TENM1: variants seen among roughly 807,000 people sequenced by gnomAD.
TENM1 encodes the protein teneurin transmembrane protein 1, also known as teneurin-1.
Under a neutral mutation model 174.8 loss-of-function variants are expected in TENM1, and 35 were observed. That is an observed-to-expected ratio of 0.20 (90% CI 0.15 to 0.27). The LOEUF is 0.27. TENM1 is among the 10% of genes least tolerant of loss of function. TENM1 has a pLI of 1.00. For missense variants in TENM1, 1,633 were observed against 2,130.1 expected (o/e 0.77, Z 4.59); for synonymous variants, 781 against 798.7 (o/e 0.98, Z 0.37).
chrX:124,706,335 T>C (rs1277144492), intron 4 of TENM1, among the ~76,000 whole-genome samples: 1 of 112,577 alleles, frequency 8.9e-6, no homozygotes, highest in Non-Finnish European at 1.9e-5. Context: ...CATAATAAAA[T>C]GTGCAGTTTT....
intron 3 of TENM1, among the ~76,000 whole-genome samples, chrX:124,826,732 A>G (rs2056171102): frequency 8.9e-6 from 1 of 111,888 alleles, no homozygotes; most frequent in Non-Finnish European, 1.9e-5. Context: ...GTACTTTTGA[A>G]ATGCACTTGT....
At chrX:124,458,511 T>A (rs1319756939) in intron 22 of TENM1, among the ~76,000 whole-genome samples, 3 of 112,422 alleles carry the variant, frequency 2.7e-5, no homozygotes, top group Non-Finnish European at 5.6e-5. Context: ...GAATAGTGAG[T>A]TATTTAATCA....
intron 11 of TENM1, among the ~76,000 whole-genome samples, chrX:124,592,743 C>A (rs1464371905): frequency 2.8e-5 from 3 of 106,554 alleles, no homozygotes; most frequent in Non-Finnish European, 5.8e-5. Context: ...AGCCACCATG[C>A]CCAGGCCTTA....
At chrX:124,645,073 A>C in intron 10 of TENM1, 70 bp downstream of exon 13, 1 of 1,069,668 alleles carries the variant, frequency 9.3e-7, no homozygotes, top group Non-Finnish European at 1.3e-6. Flanking sequence ...CTACTAGGAG[A>C]ACAGAATGAC....
intron 14 of TENM1, among the ~76,000 whole-genome samples, chrX:124,557,389 GTT>G (rs199851633): frequency 9.4e-6 from 1 of 106,679 alleles, no homozygotes; most frequent in African/African-American, 3.4e-5. Context: ...CAAATTTATT[GTT>G]TTTTTTTCCT....
At chrX:124,560,797 T>C in intron 14 of TENM1, among the ~76,000 whole-genome samples, 1 of 112,123 alleles carries the variant, frequency 8.9e-6, no homozygotes, top group East Asian at 2.8e-4. Context: ...TACTTCATTT[T>C]AAGCTAATAT....
chrX:125,075,745 A>G, the TENM1 span, among the ~76,000 whole-genome samples: 3 of 111,384 alleles, frequency 2.7e-5, no homozygotes, highest in Admixed American at 2.9e-4. Context: ...CCATAAACCT[A>G]GTAAGTATCA....
At chrX:124,810,599 T>C (rs1321273651) in intron 3 of TENM1, among the ~76,000 whole-genome samples, 1 of 111,855 alleles carries the variant, frequency 8.9e-6, no homozygotes, top group Non-Finnish European at 1.9e-5. Flanking sequence ...AAAGACTTAA[T>C]ACTTTAAAAT....
At chrX:125,202,623 G>C in the TENM1 span, among the ~76,000 whole-genome samples, 3 of 110,903 alleles carry the variant, frequency 2.7e-5, no homozygotes, top group Admixed American at 9.6e-5. Flanking sequence ...AGCTGCCGAC[G>C]GCGAGTACGA....
the TENM1 span, among the ~76,000 whole-genome samples, chrX:125,111,657 GCA>G: frequency 4.5e-5 from 5 of 111,432 alleles, no homozygotes; most frequent in African/African-American, 1.6e-4. Context: ...ATAAACTGAT[GCA>G]CAGAGAGGAA....
intron 11 of TENM1, among the ~76,000 whole-genome samples, chrX:124,619,501 T>G (rs955981424): frequency 8.9e-5 from 10 of 112,203 alleles, no homozygotes; most frequent in African/African-American, 2.9e-4. Context: ...TTTAGATTGT[T>G]CCTAAACCTT....
the TENM1 span, among the ~76,000 whole-genome samples, chrX:125,193,778 C>T: frequency 2.6e-4 from 29 of 110,429 alleles, no homozygotes; most frequent in Non-Finnish European, 2.5e-4. Context: ...TAGACTTTAT[C>T]TTCAGATCTG....
intron 1 of TENM1, among the ~76,000 whole-genome samples, chrX:124,929,533 A>C (rs1404437916): frequency 8.9e-6 from 1 of 111,995 alleles, no homozygotes; most frequent in Non-Finnish European, 1.9e-5. Flanking sequence ...TCTGGCATAA[A>C]TTGCGATAGC....
chrX:125,099,047 A>T, the TENM1 span, among the ~76,000 whole-genome samples: 658 of 112,525 alleles, frequency 5.8e-3, 3 homozygotes, highest in African/African-American at 0.019. Context: ...AATCAATATT[A>T]AAGTAGGTCT....
intron 5 of TENM1, among the ~76,000 whole-genome samples, chrX:124,683,341 C>T (rs757143254): frequency 5.4e-5 from 6 of 111,933 alleles, no homozygotes; most frequent in East Asian, 5.6e-4. Flanking sequence ...CAAGAGAATA[C>T]GTAATCCATT....
intron 3 of TENM1, among the ~76,000 whole-genome samples, chrX:124,787,117 A>G: frequency 9.0e-6 from 1 of 111,513 alleles, no homozygotes; most frequent in Middle Eastern, 4.6e-3. Flanking sequence ...CAACTCTCAA[A>G]GTATTATGCA....
the TENM1 span, among the ~76,000 whole-genome samples, chrX:125,142,479 G>A: frequency 2.7e-5 from 3 of 110,724 alleles, no homozygotes; most frequent in South Asian, 1.2e-3. Flanking sequence ...GAGAGAGTGG[G>A]TCTCAGCTCT....
chrX:124,806,825 A>T (rs1003426765), intron 3 of TENM1, among the ~76,000 whole-genome samples: 10 of 111,266 alleles, frequency 9.0e-5, no homozygotes, highest in African/African-American at 2.9e-4. Context: ...CCAGGGTATT[A>T]TGTGGTGAGA....
At chrX:124,684,877 G>A (rs1211783569) in intron 5 of TENM1, among the ~76,000 whole-genome samples, 1 of 111,183 alleles carries the variant, frequency 9.0e-6, no homozygotes, top group Non-Finnish European at 1.9e-5. Context: ...GTGAACCCAA[G>A]CTCCAGGCTC....
Sources: gnomAD v4.1 joint callset for allele counts (sites outside exome capture counted in the v4.1 genomes callset) on GRCh38, gnomAD v4.1.1 for gene constraint, MANE v1.5 for transcripts, NCBI Gene and HGNC (gene_info 2026-07-23, HGNC 2026-07-21) for gene names.